Variants in MACROD2 observed in about 807,000 individuals in gnomAD.
MACROD2 encodes ADP-ribose glycohydrolase MACROD2.
Under a neutral mutation model 70.4 loss-of-function variants are expected in MACROD2, and 36 were observed. The ratio of observed to expected loss-of-function variants is 0.51; its 90% confidence interval spans 0.39 to 0.68. MACROD2 has a LOEUF of 0.68. Ranked by LOEUF, MACROD2 falls within the 30% of genes least tolerant of loss-of-function variation. MACROD2 has a pLI of 0.00. For missense variants in MACROD2, 496 were observed against 538.4 expected (o/e 0.92, Z 0.78); for synonymous variants, 172 against 178.8 (o/e 0.96, Z 0.30).
chr20:16,052,002 G>T lies in MACROD2; in HGVS notation c.*2126G>T, dbSNP rs551953028. 1 of 152,132 alleles carries T rather than the reference G, an allele frequency of 6.6e-6. No homozygotes were observed. The highest frequency in any genetic ancestry group is 1.9e-4 in the East Asian group (1 of 5,194). 9.4% of individuals were successfully genotyped at this position (152,132 alleles called of 1,614,324 possible). ...ATTTTATTCATTTATTTCAAATGTGGGTGGGCTAGAAGTGGAAGGAGGGAA... is the reference window on the plus strand; with the variant it reads ...ATTTTATTCATTTATTTCAAATGTGTGTGGGCTAGAAGTGGAAGGAGGGAA... On this transcript the variant is annotated 3_prime_UTR_variant, in exon 18 of 18. Coordinates refer to ENST00000684519, the MANE Select transcript of MACROD2 (RefSeq NM_001351661.2).
At chr20:14,298,362 GT>G (rs1356657085) in intron 3 of MACROD2, among the ~76,000 whole-genome samples, 4 of 151,782 alleles carry the variant, frequency 2.6e-5, no homozygotes, top group African/African-American at 9.7e-5. Context: ...GAGGTCAGGA[GT>G]TCGAGACCAG....
chr20:15,372,812 G>A (rs1486006067), intron 6 of MACROD2, among the ~76,000 whole-genome samples: 1 of 152,172 alleles, frequency 6.6e-6, no homozygotes, highest in Non-Finnish European at 1.5e-5. Flanking sequence ...AGTCCTTTGG[G>A]AGGTGAAGGT....
chr20:14,554,512 T>G (rs1978892923), intron 4 of MACROD2: 1 of 152,156 alleles, frequency 6.6e-6, no homozygotes, highest in African/African-American at 2.4e-5. Context: ...ATCATTGTTT[T>G]GAGTGCTCCC....
intron 8 of MACROD2, among the ~76,000 whole-genome samples, chr20:15,860,554 T>G (rs2147161174): frequency 6.6e-6 from 1 of 152,238 alleles, no homozygotes; most frequent in East Asian, 1.9e-4. Context: ...CTGCACAGTC[T>G]TATTTTTAAT....
intron 4 of MACROD2, among the ~76,000 whole-genome samples, chr20:14,608,479 A>G (rs1043492622): frequency 6.6e-6 from 1 of 152,150 alleles, no homozygotes; most frequent in Non-Finnish European, 1.5e-5. Context: ...CTCAGGCCTA[A>G]GTGAAGTTTG....
At chr20:15,391,546 T>C (rs947334784) in intron 6 of MACROD2, among the ~76,000 whole-genome samples, 3 of 152,242 alleles carry the variant, frequency 2.0e-5, no homozygotes, top group African/African-American at 7.2e-5. Context: ...CCATGTCTTA[T>C]GGAAGTTTAT....
intron 5 of MACROD2, among the ~76,000 whole-genome samples, chr20:14,802,874 G>T (rs774358617): frequency 1.6e-4 from 24 of 151,512 alleles, no homozygotes; most frequent in Non-Finnish European, 3.2e-4. Flanking sequence ...TTTTCAGTTA[G>T]AATATCTCAT....
chr20:14,008,450 C>A lies in MACROD2; in HGVS notation c.163+6046C>A, dbSNP rs529764271. Among the ~76,000 whole-genome samples the A allele has an allele frequency of 2.0e-5, 3 of 152,238 alleles. No homozygotes were observed. In the South Asian group the frequency reaches 6.2e-4, roughly 32 times the overall value. On this transcript the variant is annotated intron_variant, in intron 2 of 17. Coordinates refer to ENST00000684519, the MANE Select transcript of MACROD2 (RefSeq NM_001351661.2). ...GGATCTCTTCAAGGAGACCTACAAA[C>A]CACTGCTCAAGGAAATCAGAGAGGA...
chr20:15,021,221 G>C (rs142759514), intron 5 of MACROD2, among the ~76,000 whole-genome samples: 101 of 3,758 alleles, frequency 0.027, 2 homozygotes, highest in African/African-American at 0.057. Context: ...TACACATACA[G>C]GTGTGCGTAT....
chr20:14,786,252 G>A (rs1025587255), intron 5 of MACROD2, among the ~76,000 whole-genome samples: 15 of 147,348 alleles, frequency 1.0e-4, no homozygotes, highest in African/African-American at 3.5e-4. Context: ...GAGGGAAGAG[G>A]CCTGACATTT....
At chr20:14,622,954 A>G (rs192656251) in intron 4 of MACROD2, 13 of 152,226 alleles carry the variant, frequency 8.5e-5, no homozygotes, top group Admixed American at 7.9e-4. Context: ...TCTGCTGATG[A>G]CTCACGGCTA....
At chr20:14,513,091 T>G (rs1171653237) in intron 4 of MACROD2, among the ~76,000 whole-genome samples, 1 of 152,122 alleles carries the variant, frequency 6.6e-6, no homozygotes, top group African/African-American at 2.4e-5. Context: ...TCTTTTAGTT[T>G]GAAAGTTTTG....
At chr20:14,275,813 C>A (rs976618632) in intron 3 of MACROD2, among the ~76,000 whole-genome samples, 2 of 151,872 alleles carry the variant, frequency 1.3e-5, no homozygotes, top group Non-Finnish European at 2.9e-5. Flanking sequence ...AACAAGTGGG[C>A]GAAGGACATG....
intron 2 of MACROD2, among the ~76,000 whole-genome samples, chr20:14,024,383 C>A (rs991138079): frequency 6.6e-6 from 1 of 152,152 alleles, no homozygotes; most frequent in African/African-American, 2.4e-5. Flanking sequence ...CCCTTTATTT[C>A]TTTCTTTTGC....
At chr20:15,574,495 T>C (rs1482247150) in intron 8 of MACROD2, among the ~76,000 whole-genome samples, 1 of 152,192 alleles carries the variant, frequency 6.6e-6, no homozygotes, top group Non-Finnish European at 1.5e-5. Context: ...AGACAAGCAC[T>C]AATGGTGTTT....
chr20:14,720,204 G>C (rs1294572771), intron 5 of MACROD2, among the ~76,000 whole-genome samples: 1 of 152,096 alleles, frequency 6.6e-6, no homozygotes, highest in Non-Finnish European at 1.5e-5. Flanking sequence ...ACCACATATG[G>C]TCTGTTAACC....
chr20:14,148,751 C>G (rs928933923), intron 3 of MACROD2, among the ~76,000 whole-genome samples: 4 of 152,158 alleles, frequency 2.6e-5, no homozygotes, highest in South Asian at 2.1e-4. Flanking sequence ...TTACCCAGAG[C>G]CTTTATCCTC....
At position 15,927,201 on chromosome 20, in the gene MACROD2, G is replaced by A. The variant is rs574149634; in HGVS notation, c.776-6075G>A. The stretch of plus-strand genomic sequence containing the variant: ...TCATCTGCCTAGAGAACTGAAATAC[G>A]ATTCAAGGAAAAAATAATAATGCTT... On this transcript the variant is annotated intron_variant, in intron 10 of 17. Transcript: ENST00000684519. Among the ~76,000 whole-genome samples, 4 of 152,184 alleles carry A rather than the reference G, an allele frequency of 2.6e-5. No individual in the cohort carries two copies. In the Middle Eastern group the frequency reaches 0.01, roughly 388 times the overall value.
chr20:14,061,346 C>A, intron 2 of MACROD2, among the ~76,000 whole-genome samples: 1 of 152,142 alleles, frequency 6.6e-6, no homozygotes, highest in Non-Finnish European at 1.5e-5. Context: ...TAAAAATAAT[C>A]TACAGTATTT....
Sources: gnomAD v4.1 joint callset for allele counts (sites outside exome capture counted in the v4.1 genomes callset) on GRCh38, gnomAD v4.1.1 for gene constraint, MANE v1.5 for transcripts, NCBI Gene and HGNC (gene_info 2026-07-23, HGNC 2026-07-21) for gene names.